The following TLN2 variants were observed in gnomAD, a reference collection of about 807,000 sequenced individuals.
TLN2 encodes the protein talin 2, also known as talin-2.
TLN2 carries 118 observed loss-of-function variants against 294.7 expected under a neutral mutation model. That is an observed-to-expected ratio of 0.40 (90% CI 0.34 to 0.47). The LOEUF is 0.47. Among genes scored for constraint, TLN2 ranks in the 20% least tolerant of loss-of-function variants. The pLI, the probability that TLN2 is intolerant of heterozygous loss-of-function variation, is 0.84. For missense variants in TLN2, 3,083 were observed against 3,282.2 expected (o/e 0.94, Z 1.48); for synonymous variants, 1,431 against 1,304.5 (o/e 1.10, Z -2.09).
At chr15:62,785,404 C>T (rs940308545) in intron 45 of TLN2, among the ~76,000 whole-genome samples, 2 of 152,162 alleles carry the variant, frequency 1.3e-5, no homozygotes, top group Non-Finnish European at 2.9e-5. Context: ...TGATGGCTCA[C>T]GCCTATAAGC....
At chr15:62,421,198 G>A (rs984403527) in intron 1 of TLN2, among the ~76,000 whole-genome samples, 11 of 152,136 alleles carry the variant, frequency 7.2e-5, no homozygotes, top group Admixed American at 6.5e-4. Flanking sequence ...ATAGCATTCC[G>A]ACCCTCAGTT....
At chr15:62,677,230 A>G (rs2056313620) in intron 11 of TLN2, among the ~76,000 whole-genome samples, 1 of 152,220 alleles carries the variant, frequency 6.6e-6, no homozygotes, top group South Asian at 2.1e-4. Context: ...AGGGACAAAG[A>G]TTAAACAAAT....
At chr15:62,392,119 G>A (rs890715707) in intron 1 of TLN2, among the ~76,000 whole-genome samples, 11 of 152,252 alleles carry the variant, frequency 7.2e-5, no homozygotes, top group African/African-American at 2.7e-4. Context: ...TAGCGCCCGC[G>A]GCTGCGTGTT....
At position 62,722,390 on chromosome 15, in the gene TLN2, T is replaced by C. The variant is rs2060202320; in HGVS notation, c.3029T>C (p.Val1010Ala). 13 of 1,613,188 alleles carry C rather than the reference T, an allele frequency of 8.1e-6. No individual in the cohort carries two copies. Among genetic ancestry groups the C allele is most frequent in the African/African-American group, 1.3e-5 (1 of 74,938 alleles). The stretch of plus-strand genomic sequence containing the variant: ...ATGGTGTCCTCTGCCAAAGCCGCAG[T>C]GCCCACCGTGAGTGACCAGGCCGCA... ...SKMVSSAKAA[V>A]PTVSDQAAAM... is the part of the protein sequence containing the mutation. The change falls in exon 26 of 59, where the codon GTG (valine) becomes GCG (alanine). Residue 1010 changes from valine to alanine, a missense_variant. Val to Ala is a moderately conservative substitution (Grantham distance 64). Coordinates refer to ENST00000636159, the MANE Select transcript of TLN2 (RefSeq NM_015059.3).
At chr15:62,411,532 T>A (rs1015488152) in intron 1 of TLN2, among the ~76,000 whole-genome samples, 12 of 151,618 alleles carry the variant, frequency 7.9e-5, no homozygotes, top group Admixed American at 6.6e-4. Context: ...AAGTTTGATA[T>A]ATTTTTTTTT....
At chr15:62,662,247 T>G (rs2053932438) in intron 9 of TLN2, among the ~76,000 whole-genome samples, 1 of 152,006 alleles carries the variant, frequency 6.6e-6, no homozygotes, top group Admixed American at 6.5e-5. Context: ...TGTGATAAAC[T>G]AGGAAAATTT....
chr15:62,727,276 ATACAC>A (rs577574343), intron 28 of TLN2, 87 bp downstream of exon 28: 86 of 1,201,586 alleles, frequency 7.2e-5, no homozygotes, highest in Admixed American at 2.3e-4. Flanking sequence ...TCCTTTGACA[ATACAC>A]GTGACATTTT....
At chr15:62,472,564 T>C (rs889633941) in intron 1 of TLN2, among the ~76,000 whole-genome samples, 7 of 152,230 alleles carry the variant, frequency 4.6e-5, no homozygotes, top group African/African-American at 1.7e-4. Flanking sequence ...GATGTCATGG[T>C]GTCAATTTTT....
chr15:62,669,417 A>G (rs990699983), intron 9 of TLN2, among the ~76,000 whole-genome samples: 1 of 152,142 alleles, frequency 6.6e-6, no homozygotes, highest in African/African-American at 2.4e-5. Flanking sequence ...TCTATTAGAG[A>G]TTAGTGTACT....
At chr15:62,644,423 G>A (rs1023595167) in intron 3 of TLN2, 5 of 450,234 alleles carry the variant, frequency 1.1e-5, no homozygotes, top group African/African-American at 6.0e-5. Context: ...CTCCCTAGGT[G>A]GTCTTTCTAG....
intron 1 of TLN2, among the ~76,000 whole-genome samples, chr15:62,425,378 G>A (rs1334281302): frequency 5.9e-5 from 9 of 152,138 alleles, no homozygotes; most frequent in African/African-American, 2.2e-4. Context: ...GCTCTACCTT[G>A]GGACGTGCAT....
intron 1 of TLN2, among the ~76,000 whole-genome samples, chr15:62,477,133 A>C (rs1405190413): frequency 6.6e-6 from 1 of 152,224 alleles, no homozygotes; most frequent in African/African-American, 2.4e-5. Context: ...ATCAAGTAAA[A>C]GCCTAAGTAA....
At chr15:62,605,956 A>G (rs1311218394) in intron 2 of TLN2, among the ~76,000 whole-genome samples, 1 of 152,226 alleles carries the variant, frequency 6.6e-6, no homozygotes, top group Non-Finnish European at 1.5e-5. Flanking sequence ...CATGTGATAC[A>G]TTTTGATAGA....
At chr15:62,738,567 G>A (rs1403483673) in intron 30 of TLN2, among the ~76,000 whole-genome samples, 4 of 152,158 alleles carry the variant, frequency 2.6e-5, no homozygotes, top group East Asian at 3.9e-4. Context: ...CTCTCGGATC[G>A]TCCCGGTGAG....
chr15:62,683,937 A>C (rs2057078995), intron 11 of TLN2: 1 of 152,274 alleles, frequency 6.6e-6, no homozygotes, highest in African/African-American at 2.4e-5. Flanking sequence ...GCACCGGGGA[A>C]GACCTTGCAT....
intron 3 of TLN2, among the ~76,000 whole-genome samples, chr15:62,641,574 G>A (rs2051110240): frequency 6.6e-6 from 1 of 152,042 alleles, no homozygotes; most frequent in Admixed American, 6.5e-5. Flanking sequence ...AGTGACCCGA[G>A]ATTGCGCCAC....
chr15:62,522,463 A>G (rs1297795531), intron 1 of TLN2, among the ~76,000 whole-genome samples: 1 of 152,184 alleles, frequency 6.6e-6, no homozygotes, highest in Non-Finnish European at 1.5e-5. Context: ...AAGCATTGGC[A>G]CAACTGGCAT....
intron 32 of TLN2, among the ~76,000 whole-genome samples, chr15:62,744,789 A>G (rs11852311): frequency 7.3e-4 from 111 of 152,122 alleles, no homozygotes; most frequent in African/African-American, 2.6e-3. Context: ...CTAGTGATCC[A>G]CCCACCTCGG....
intron 9 of TLN2, among the ~76,000 whole-genome samples, chr15:62,671,775 C>G (rs2055461886): frequency 6.6e-6 from 1 of 152,130 alleles, no homozygotes; most frequent in African/African-American, 2.4e-5. Context: ...TTTGAAGAAA[C>G]TAAGTTATTT....
Sources: gnomAD v4.1 joint callset for allele counts (sites outside exome capture counted in the v4.1 genomes callset) on GRCh38, gnomAD v4.1.1 for gene constraint, MANE v1.5 for transcripts, NCBI Gene and HGNC (gene_info 2026-07-23, HGNC 2026-07-21) for gene names.